The following CAMSAP2 variants were observed in gnomAD, a reference collection of about 807,000 sequenced individuals.
CAMSAP2 encodes the protein calmodulin regulated spectrin associated protein family member 2, also known as calmodulin-regulated spectrin-associated protein 2.
Under a neutral mutation model 146.1 loss-of-function variants are expected in CAMSAP2, and 26 were observed. The ratio of observed to expected loss-of-function variants is 0.18; its 90% CI spans 0.13 to 0.25. The LOEUF is 0.25. Ranked by LOEUF, CAMSAP2 falls within the 10% of genes least tolerant of loss-of-function variation. The pLI is 1.00. For missense variants in CAMSAP2, 1,381 were observed against 1,759.3 expected (o/e 0.78, Z 3.85); for synonymous variants, 499 against 596.6 (o/e 0.84, Z 2.38).
intron 4 of CAMSAP2, among the ~76,000 whole-genome samples, chr1:200,816,819 T>C (rs559876478): frequency 1.8e-5 from 1 of 55,424 alleles, no homozygotes; most frequent in Non-Finnish European, 3.2e-5. Context: ...TATATGTGTG[T>C]ACACACACAC....
At chr1:200,793,392 A>G (rs1056624884) in intron 2 of CAMSAP2, among the ~76,000 whole-genome samples, 10 of 152,174 alleles carry the variant, frequency 6.6e-5, no homozygotes, top group African/African-American at 2.4e-4. Flanking sequence ...ATATTAGTAT[A>G]TATGTTAATT....
Position 200,832,190 on chromosome 1 carries a change from T to A in CAMSAP2, c.646-10T>A. ...CTTATTTATTTTCATGTATTTTTTT[T>A]ATATCGTAGGCTCGTTATCGGAAAG... On this transcript the variant is annotated splice_polypyrimidine_tract_variant and intron_variant, in intron 4 of 16. Coordinates refer to ENST00000358823, the MANE Select transcript of CAMSAP2 (RefSeq NM_203459.4). The surrounding 1 kb of genome is among the most constrained non-coding windows in gnomAD (Gnocchi z 4.2). The A allele has an allele frequency of 3.2e-6, 5 of 1,587,146 alleles. No homozygotes were observed. The highest frequency in any genetic ancestry group is 4.3e-6 in the Non-Finnish European group (5 of 1,171,440).
intron 2 of CAMSAP2, among the ~76,000 whole-genome samples, chr1:200,790,315 C>T (rs771577130): frequency 3.3e-5 from 5 of 152,114 alleles, no homozygotes; most frequent in Non-Finnish European, 7.3e-5. Flanking sequence ...TAGAAATTCT[C>T]TCTCCCCTCC....
chr1:200,744,041 C>T (rs1024511481), intron 1 of CAMSAP2, among the ~76,000 whole-genome samples: 4 of 152,182 alleles, frequency 2.6e-5, no homozygotes, highest in African/African-American at 9.7e-5. Context: ...CATACTGTAT[C>T]ATTTAAATCC....
intron 3 of CAMSAP2, among the ~76,000 whole-genome samples, chr1:200,812,677 G>T (rs991825133): frequency 6.6e-6 from 1 of 152,052 alleles, no homozygotes; most frequent in African/African-American, 2.4e-5. Flanking sequence ...CAATAACATG[G>T]CTAAAATAAT....
At chr1:200,839,299 T>G (rs932776853) in intron 6 of CAMSAP2, among the ~76,000 whole-genome samples, 1 of 152,070 alleles carries the variant, frequency 6.6e-6, no homozygotes, top group African/African-American at 2.4e-5. Flanking sequence ...TGAAGTAGAT[T>G]AGAGAGTAAA....
At chr1:200,766,614 G>A (rs919770760) in intron 2 of CAMSAP2, among the ~76,000 whole-genome samples, 1 of 152,172 alleles carries the variant, frequency 6.6e-6, no homozygotes, top group African/African-American at 2.4e-5. Flanking sequence ...AGTGAAGGCA[G>A]GATTCTGAAC....
intron 2 of CAMSAP2, among the ~76,000 whole-genome samples, chr1:200,795,788 T>C (rs1665869230): frequency 6.6e-6 from 1 of 152,226 alleles, no homozygotes; most frequent in African/African-American, 2.4e-5. Context: ...TCTACTTGTA[T>C]ATAAACAGAT....
Position 200,848,452 on chromosome 1 carries a change from A to G in CAMSAP2, c.1683A>G (p.Pro561=). ...AAAAATCTCCTCATACACCTCAGCCAGACCAAATTGCTAATGGCTTCTTTC... is the reference window on the plus strand; with the variant it reads ...AAAAATCTCCTCATACACCTCAGCCGGACCAAATTGCTAATGGCTTCTTTC... ...DTEKSPHTPQ[P]DQIANGFFLH... The change falls in exon 11 of 17, where the codon CCA becomes CCG. Residue 561 remains proline, a synonymous_variant. Transcript: ENST00000358823. 15 of 1,613,448 alleles carry G rather than the reference A, an allele frequency of 9.3e-6. No individual in the cohort carries two copies. Among genetic ancestry groups the G allele is most frequent in the Non-Finnish European group, 1.3e-5 (15 of 1,179,726 alleles).
intron 3 of CAMSAP2, among the ~76,000 whole-genome samples, chr1:200,809,966 T>C (rs1666285570): frequency 4.6e-5 from 7 of 152,164 alleles, no homozygotes; most frequent in Admixed American, 4.6e-4. Context: ...CTGCTAGTGA[T>C]AGCCCGTTGA....
intron 1 of CAMSAP2, among the ~76,000 whole-genome samples, chr1:200,746,711 C>CG (rs887189287): frequency 6.6e-6 from 1 of 151,610 alleles, no homozygotes; most frequent in Admixed American, 6.6e-5. Flanking sequence ...CTCCGCCTCC[C>CG]GGGTTCTCGC....
Position 200,849,641 on chromosome 1 carries a change from C to G in CAMSAP2, c.2872C>G (p.Pro958Ala). 6.2e-7 allele frequency: 1 copy of G among 1,614,180 alleles called. No individual in the cohort carries two copies. The highest frequency in any genetic ancestry group is 2.2e-5 in the East Asian group (1 of 44,882). ...CTCAGACTCCCCTCGTCCTACTCAC[C>G]CATCTCCACAGTCTTCTAACAGGAA... Reference protein sequence around the residue: ...FSSDSPRPTHPSPQSSNRKSA... With the variant: ...FSSDSPRPTHASPQSSNRKSA... Residue 958 changes from proline (P) to alanine (A), a missense_variant, in exon 11 of 17, where the codon CCA becomes GCA. Coordinates refer to ENST00000358823, the MANE Select transcript of CAMSAP2 (RefSeq NM_203459.4). This position sits in a 1 kb window ranked among gnomAD's most constrained non-coding sequence, Gnocchi z 6.3.
chr1:200,789,975 T>C (rs915076431), intron 2 of CAMSAP2, among the ~76,000 whole-genome samples: 10 of 152,204 alleles, frequency 6.6e-5, no homozygotes, highest in Admixed American at 5.2e-4. Context: ...AGGAATGTGT[T>C]TGGCTTTTGT....
At chr1:200,775,537 G>GTTTGTTT (rs1366021926) in intron 2 of CAMSAP2, among the ~76,000 whole-genome samples, 422 of 151,868 alleles carry the variant, frequency 2.8e-3, no homozygotes, top group African/African-American at 9.4e-3. Flanking sequence ...CTTTTTTGTT[G>GTTTGTTT]TTTGTTTTTT....
intron 2 of CAMSAP2, among the ~76,000 whole-genome samples, chr1:200,789,892 A>G (rs1467134611): frequency 2.0e-5 from 3 of 152,176 alleles, no homozygotes; most frequent in Non-Finnish European, 4.4e-5. Context: ...CTTAGTATTT[A>G]TAATTTGGGG....
At chr1:200,778,795 T>C (rs1028070535) in intron 2 of CAMSAP2, among the ~76,000 whole-genome samples, 1 of 152,226 alleles carries the variant, frequency 6.6e-6, no homozygotes, top group African/African-American at 2.4e-5. Context: ...ATATTAATAG[T>C]TGGATTGTAT....
At chr1:200,783,060 C>A (rs183775955) in intron 2 of CAMSAP2, among the ~76,000 whole-genome samples, 5 of 151,806 alleles carry the variant, frequency 3.3e-5, no homozygotes, top group Admixed American at 3.3e-4. Context: ...CCACTGCACC[C>A]GACCTTATTT....
chr1:200,826,841 A>G (rs1666918368), intron 4 of CAMSAP2, among the ~76,000 whole-genome samples: 1 of 152,206 alleles, frequency 6.6e-6, no homozygotes, highest in African/African-American at 2.4e-5. Flanking sequence ...GGGTTTTAAA[A>G]AACCCTTTGT....
At position 200,832,567 on chromosome 1, in the gene CAMSAP2, T is replaced by C; in HGVS notation, c.788-139T>C. The C allele has an allele frequency of 1.3e-6, 1 of 769,120 alleles. No homozygotes were observed. The highest frequency in any genetic ancestry group is 1.9e-6 in the Non-Finnish European group (1 of 525,998). 47.6% of individuals were successfully genotyped at this position (769,120 alleles called of 1,614,324 possible). On this transcript the variant is annotated intron_variant, in intron 5 of 16. Coordinates refer to ENST00000358823, the MANE Select transcript of CAMSAP2 (RefSeq NM_203459.4). The surrounding 1 kb of genome is among the most constrained non-coding windows in gnomAD (Gnocchi z 4.2). ...AAAATAGTGCTCGGTTTCTAAGTCT[T>C]AATGTATAATGACTACTATATTTAT...
Sources: gnomAD v4.1 joint callset for allele counts (sites outside exome capture counted in the v4.1 genomes callset) on GRCh38, gnomAD v4.1.1 for gene constraint, Gnocchi (gnomAD v3.1) non-coding constraint, MANE v1.5 for transcripts, NCBI Gene and HGNC (gene_info 2026-07-23, HGNC 2026-07-21) for gene names.